UNC45B: variants seen among roughly 807,000 people sequenced by gnomAD.
The protein encoded by UNC45B is protein unc-45 homolog B.
Under a neutral mutation model 98.7 loss-of-function variants are expected in UNC45B, and 78 were observed. That is an observed-to-expected ratio of 0.79 (90% CI 0.66 to 0.95). The LOEUF is 0.95. UNC45B is among the 40% of genes least tolerant of loss of function. The probability of loss-of-function intolerance (pLI) is 0.00; values close to 1 mark genes in which losing one functional copy is unlikely to be tolerated. For missense variants in UNC45B, 1,225 were observed against 1,184.9 expected, an observed-to-expected ratio of 1.03 and a Z score of -0.50; for synonymous variants, 462 against 480.4, an observed-to-expected ratio of 0.96 and a Z score of 0.50.
At position 35,162,089 on chromosome 17, in the gene UNC45B, G is replaced by A. The variant is rs528275114; in HGVS notation, c.980-1906G>A. On this transcript the variant is annotated intron_variant, in intron 8 of 19. Transcript: ENST00000394570. ...AGTTTCTGTTTTTGTTGTTGTTGTT[G>A]TTTAAATAATAAATTGGTAATCTAG... Among the ~76,000 whole-genome samples, 4 of 152,200 alleles carry A rather than the reference G, an allele frequency of 2.6e-5. No individual in the cohort carries two copies. The South Asian group carries it at 8.3e-4, about 32-fold the overall frequency.
intron 14 of UNC45B, among the ~76,000 whole-genome samples, chr17:35,174,943 GAAAGAAAGAA>G (rs965804363): frequency 3.4e-5 from 3 of 89,168 alleles, no homozygotes; most frequent in African/African-American, 1.6e-4. Flanking sequence ...GAAAGAAAAA[GAAAGAAAGAA>G]AAAGAAAGAG....
At chr17:35,179,976 G>A (rs1249486742) in intron 17 of UNC45B, among the ~76,000 whole-genome samples, 1 of 152,098 alleles carries the variant, frequency 6.6e-6, no homozygotes, top group Non-Finnish European at 1.5e-5. Flanking sequence ...ATGTCAGCAT[G>A]TACTGGGTTG....
chr17:35,185,281 G>T (rs1183234892), intron 19 of UNC45B, among the ~76,000 whole-genome samples: 1 of 151,242 alleles, frequency 6.6e-6, no homozygotes. Flanking sequence ...GAAAACCTTT[G>T]CATTGGTGTT....
intron 8 of UNC45B, among the ~76,000 whole-genome samples, chr17:35,161,075 C>T (rs1275445233): frequency 1.3e-5 from 2 of 152,206 alleles, no homozygotes; most frequent in Non-Finnish European, 2.9e-5. Flanking sequence ...TCCTCCCTGC[C>T]TCATTCTGGT....
chr17:35,154,494 C>A, intron 5 of UNC45B, 80 bp from the exon 6 acceptor site: 1 of 1,335,310 alleles, frequency 7.5e-7, no homozygotes, highest in Non-Finnish European at 1.0e-6. Flanking sequence ...TTTGCACTGG[C>A]TCTTCTTGTA....
chr17:35,170,149 G>C lies in UNC45B; in HGVS notation c.1583G>C (p.Arg528Pro). 6.2e-7 allele frequency: 1 copy of C among 1,613,524 alleles called. No homozygotes were observed. Among genetic ancestry groups the C allele is most frequent in the Non-Finnish European group, 8.5e-7 (1 of 1,179,646 alleles). ...LCNMSIDTRT[R>P]RWAVEGLAYL... Reference sequence around the variant, plus strand: ...AATATGTCCATAGACACTCGGACCCGACGCTGGGCAGTGGAGGGCCTGGCC... The same window carrying C: ...AATATGTCCATAGACACTCGGACCCCACGCTGGGCAGTGGAGGGCCTGGCC... Residue 528 changes from arginine to proline, a missense_variant, in exon 12 of 20, where the codon CGA becomes CCA. Transcript: ENST00000394570.
rs150364160 is a variant in UNC45B, at chr17:35,150,147, G to A, written c.305G>A (p.Arg102His). ...GACCAGGCCTTCAAAGACGTGCAGC[G>A]TTGTGCCACCCTCGAGCCACGGAAC... ...KLDQAFKDVQ[R>H]CATLEPRNQN... The change falls in exon 4 of 20, where the codon CGT becomes CAT. Residue 102 changes from arginine (R) to histidine (H), a missense_variant. By Grantham distance (29) the Arg-to-His change is conservative. Coordinates refer to ENST00000394570, the MANE Select transcript of UNC45B (RefSeq NM_001267052.2). 2.5e-5 allele frequency: 40 copies of A among 1,613,778 alleles called. No individual in the cohort carries two copies. In the African/African-American group the frequency reaches 3.3e-4, roughly 13 times the overall value.
At chr17:35,169,773 G>C (rs1200697790) in intron 10 of UNC45B, 64 bp from the exon 11 acceptor site, 3 of 1,458,332 alleles carry the variant, frequency 2.1e-6, no homozygotes, top group South Asian at 2.3e-5. Flanking sequence ...TTTGAGCAAG[G>C]CTTCATCCCC....
chr17:35,173,946 G>A (rs2092207960), intron 13 of UNC45B, among the ~76,000 whole-genome samples: 1 of 151,568 alleles, frequency 6.6e-6, no homozygotes, highest in African/African-American at 2.4e-5. Flanking sequence ...TGAGCAGCTG[G>A]GACTACAGGT....
At chr17:35,152,215 C>A (rs2092024727) in intron 4 of UNC45B, among the ~76,000 whole-genome samples, 1 of 151,940 alleles carries the variant, frequency 6.6e-6, no homozygotes, top group Non-Finnish European at 1.5e-5. Context: ...CACTGCGCTC[C>A]AGCCTGGGTG....
In UNC45B at chr17:35,159,363, C is replaced by T. The variant is rs767058652; in HGVS notation, c.809-12C>T. On this transcript the variant is annotated splice_polypyrimidine_tract_variant and intron_variant, in intron 7 of 19. Transcript: ENST00000394570. ...TACCCCTCTCTACTTACCCCGTCCT[C>T]TTTTTCTTCAGACACCAAGAAGGAC... 68 of 1,608,656 alleles carry T rather than the reference C, an allele frequency of 4.2e-5. 2 individuals carry two copies. The South Asian group carries it at 7.4e-4, about 17-fold the overall frequency.
intron 18 of UNC45B, 131 bp downstream of exon 18, chr17:35,180,807 G>A (rs1437526694): frequency 3.3e-6 from 2 of 609,178 alleles, no homozygotes; most frequent in Non-Finnish European, 5.7e-6. Flanking sequence ...GAAAATCCAG[G>A]AATCCCTAAA....
At chr17:35,182,469 AG>A (rs2142605517) in intron 18 of UNC45B, among the ~76,000 whole-genome samples, 1 of 151,922 alleles carries the variant, frequency 6.6e-6, no homozygotes, top group South Asian at 2.1e-4. Context: ...CCACACTGGG[AG>A]TGGATTCCAT....
Position 35,150,187 on chromosome 17 carries a change from G to A in UNC45B, c.345G>A (p.Glu115=), listed in dbSNP as rs1597903155. ...AGCCACGGAACCAGAACTTCCAGGA[G>A]ATGCTGAGGAGACTCAACACCAGCA... The part of the protein sequence containing the change: ...TLEPRNQNFQ[E]MLRRLNTSIQ... The change falls in exon 4 of 20, where the codon GAG becomes GAA. Residue 115 remains glutamate (E), a synonymous_variant. Transcript: ENST00000394570. 1 of 1,613,534 alleles carries A rather than the reference G, an allele frequency of 6.2e-7. No individual in the cohort carries two copies. Among genetic ancestry groups the A allele is most frequent in the Non-Finnish European group, 8.5e-7 (1 of 1,179,678 alleles).
chr17:35,167,321 A>G (rs1202672088), intron 9 of UNC45B, among the ~76,000 whole-genome samples: 1 of 152,232 alleles, frequency 6.6e-6, no homozygotes, highest in African/African-American at 2.4e-5. Context: ...GGAAGCCAGT[A>G]TGCAAACACT....
At chr17:35,158,130 C>T (rs1220587388) in intron 7 of UNC45B, among the ~76,000 whole-genome samples, 1 of 152,240 alleles carries the variant, frequency 6.6e-6, no homozygotes, top group Admixed American at 6.5e-5. Flanking sequence ...CCTGCTGTGG[C>T]CTCCCAAAAT....
intron 4 of UNC45B, among the ~76,000 whole-genome samples, chr17:35,150,639 C>T (rs1158033877): frequency 6.6e-6 from 1 of 152,052 alleles, no homozygotes; most frequent in African/African-American, 2.4e-5. Context: ...ATCCCAGCTA[C>T]TCAAGAGGCT....
At chr17:35,178,828 TG>T (rs1257629436) in intron 17 of UNC45B, among the ~76,000 whole-genome samples, 1 of 152,226 alleles carries the variant, frequency 6.6e-6, no homozygotes, top group Non-Finnish European at 1.5e-5. Context: ...TTGTCAGGTT[TG>T]TCAAAGATCA....
intron 16 of UNC45B, 134 bp downstream of exon 16, chr17:35,177,264 C>G: frequency 1.2e-6 from 1 of 860,322 alleles, no homozygotes; most frequent in Non-Finnish European, 1.8e-6. Flanking sequence ...TGCATGGAGG[C>G]ACCTGGATTC....
Sources: gnomAD v4.1 joint callset for allele counts (sites outside exome capture counted in the v4.1 genomes callset) on GRCh38, gnomAD v4.1.1 for gene constraint, MANE v1.5 for transcripts, NCBI Gene and HGNC (gene_info 2026-07-23, HGNC 2026-07-21) for gene names.